The following RABGAP1L variants were observed in gnomAD, a reference collection of about 807,000 sequenced individuals.
The protein encoded by RABGAP1L is rab GTPase-activating protein 1-like.
Under a neutral mutation model 137.7 loss-of-function variants are expected in RABGAP1L, and 63 were observed. The observed-to-expected ratio is 0.46, with a 90% CI of 0.37 to 0.56. The LOEUF (loss-of-function observed/expected upper bound fraction) is 0.56. Among genes scored for constraint, RABGAP1L ranks in the 20% least tolerant of loss-of-function variants. The pLI, the probability that RABGAP1L is intolerant of heterozygous loss-of-function variation, is 0.00. For missense variants in RABGAP1L, 1,095 were observed against 1,244.0 expected (o/e 0.88, Z 1.80); for synonymous variants, 431 against 433.7 (o/e 0.99, Z 0.08).
intron 17 of RABGAP1L, among the ~76,000 whole-genome samples, chr1:174,740,245 A>G (rs541947178): frequency 3.3e-5 from 5 of 152,254 alleles, no homozygotes; most frequent in African/African-American, 9.6e-5. Context: ...CTCTTTTTCA[A>G]TGTTATTCTC....
chr1:174,280,053 GAGAGA>G (rs1675372649), intron 10 of RABGAP1L, among the ~76,000 whole-genome samples: 2 of 117,812 alleles, frequency 1.7e-5, no homozygotes, highest in Non-Finnish European at 3.2e-5. Context: ...TGCCTGGAGA[GAGAGA>G]GAGAGAGAGA....
chr1:174,272,866 T>C (rs1295487822), intron 8 of RABGAP1L, among the ~76,000 whole-genome samples: 1 of 152,010 alleles, frequency 6.6e-6, no homozygotes, highest in African/African-American at 2.4e-5. Context: ...ATGGGTACTT[T>C]TGTTTTCTTT....
At chr1:174,888,952 T>A (rs866316436) in intron 19 of RABGAP1L, among the ~76,000 whole-genome samples, 2 of 152,196 alleles carry the variant, frequency 1.3e-5, no homozygotes, top group Admixed American at 1.3e-4. Flanking sequence ...ATTAAATACA[T>A]TCATGTGTGT....
chr1:174,638,314 G>A (rs1350833252), intron 14 of RABGAP1L, among the ~76,000 whole-genome samples: 1 of 152,166 alleles, frequency 6.6e-6, no homozygotes, highest in African/African-American at 2.4e-5. Flanking sequence ...GAATTAAGAA[G>A]TATATTCACA....
intron 17 of RABGAP1L, among the ~76,000 whole-genome samples, chr1:174,737,898 A>T (rs957102946): frequency 2.6e-5 from 4 of 152,094 alleles, no homozygotes; most frequent in Admixed American, 2.6e-4. Flanking sequence ...AAACAACCAG[A>T]TCTTGTGTGA....
At chr1:174,191,137 C>T (rs1667185273) in intron 1 of RABGAP1L, among the ~76,000 whole-genome samples, 1 of 152,088 alleles carries the variant, frequency 6.6e-6, no homozygotes, top group Middle Eastern at 3.2e-3. Context: ...TAAAGTGAAG[C>T]ACAATAAAAT....
intron 3 of RABGAP1L, among the ~76,000 whole-genome samples, chr1:174,230,711 A>T (rs971420059): frequency 1.3e-5 from 2 of 152,170 alleles, no homozygotes; most frequent in African/African-American, 4.8e-5. Context: ...ATTTACAGCT[A>T]TCTGGGAACA....
At position 174,828,021 on chromosome 1, in the gene RABGAP1L, G is replaced by A. The variant is rs1223781362; in HGVS notation, c.2340+16061G>A. Among the ~76,000 whole-genome samples, 2 of 148,144 alleles carry A rather than the reference G, an allele frequency of 1.4e-5. 1 individual carries two copies. Among genetic ancestry groups the A allele is most frequent in the African/African-American group, 4.9e-5 (2 of 40,558 alleles). On this transcript the variant is annotated intron_variant, in intron 19 of 25. Transcript: ENST00000681986. Reference sequence around the variant, plus strand: ...TATGTTGAATACTATATAGGACACAGGTACTTAGTTTACTTTCTAGAATTA... The same window carrying A: ...TATGTTGAATACTATATAGGACACAAGTACTTAGTTTACTTTCTAGAATTA...
chr1:174,855,603 G>A (rs1052674938), intron 19 of RABGAP1L, among the ~76,000 whole-genome samples: 7 of 152,136 alleles, frequency 4.6e-5, no homozygotes, highest in Non-Finnish European at 8.8e-5. Flanking sequence ...TTCCACCTGT[G>A]ATTTCATAGG....
chr1:174,729,974 T>C (rs753989698), intron 17 of RABGAP1L, among the ~76,000 whole-genome samples: 5 of 152,192 alleles, frequency 3.3e-5, no homozygotes, highest in African/African-American at 4.8e-5. Flanking sequence ...ACTGGATGTA[T>C]ATTTAAAAGA....
intron 19 of RABGAP1L, among the ~76,000 whole-genome samples, chr1:174,948,247 G>T (rs1343331727): frequency 6.6e-6 from 1 of 152,130 alleles, no homozygotes; most frequent in African/African-American, 2.4e-5. Context: ...TGGGCTGGGT[G>T]CAGTGGCTCA....
intron 13 of RABGAP1L, among the ~76,000 whole-genome samples, chr1:174,583,230 G>C (rs1224424414): frequency 1.3e-5 from 2 of 152,046 alleles, no homozygotes; most frequent in African/African-American, 4.8e-5. Context: ...CCAAAATTAC[G>C]ATCATTATAT....
At chr1:174,763,578 G>A (rs1469836666) in intron 18 of RABGAP1L, among the ~76,000 whole-genome samples, 1 of 144,316 alleles carries the variant, frequency 6.9e-6, no homozygotes, top group East Asian at 2.1e-4. Context: ...GTGAACCTGG[G>A]AGGCGGAGCT....
At chr1:174,453,121 T>A (rs1300061626) in intron 13 of RABGAP1L, among the ~76,000 whole-genome samples, 2 of 152,236 alleles carry the variant, frequency 1.3e-5, no homozygotes, top group Non-Finnish European at 2.9e-5. Context: ...AAGCGGATGT[T>A]GTGATGAGAC....
intron 13 of RABGAP1L, among the ~76,000 whole-genome samples, chr1:174,530,757 G>C (rs1450856113): frequency 1.3e-5 from 2 of 151,870 alleles, no homozygotes; most frequent in Non-Finnish European, 2.9e-5. Flanking sequence ...TCTTAGTGGA[G>C]GAAGCAAGTA....
At chr1:174,713,496 T>C (rs118097355) in intron 17 of RABGAP1L, among the ~76,000 whole-genome samples, 1 of 152,098 alleles carries the variant, frequency 6.6e-6, no homozygotes, top group East Asian at 1.9e-4. Flanking sequence ...TGGCAATGAG[T>C]GAGTTCTTAT....
intron 18 of RABGAP1L, among the ~76,000 whole-genome samples, chr1:174,801,994 G>C (rs1484706379): frequency 6.6e-6 from 1 of 152,056 alleles, no homozygotes; most frequent in Admixed American, 6.6e-5. Context: ...CCTCTCTTTG[G>C]CATTTACATT....
chr1:174,345,211 T>A (rs935749228), intron 11 of RABGAP1L, among the ~76,000 whole-genome samples: 1 of 152,186 alleles, frequency 6.6e-6, no homozygotes, highest in South Asian at 2.1e-4. Flanking sequence ...TAATTTGAAG[T>A]CAGGTAATGT....
chr1:174,857,952 A>G (rs1174688772), intron 19 of RABGAP1L, among the ~76,000 whole-genome samples: 1 of 152,204 alleles, frequency 6.6e-6, no homozygotes, highest in Non-Finnish European at 1.5e-5. Flanking sequence ...CTAATAGTTA[A>G]AAGTTAATTT....
Sources: allele counts gnomAD v4.1 joint callset (sites outside exome capture counted in the v4.1 genomes callset), GRCh38; gene constraint gnomAD v4.1.1; transcripts MANE v1.5; gene names NCBI Gene and HGNC (gene_info 2026-07-23, HGNC 2026-07-21).